BACH2: variants seen among roughly 807,000 people sequenced by gnomAD.
BACH2 encodes the protein BACH transcriptional regulator 2, also known as transcription regulator protein BACH2.
A neutral mutation model predicts 61.8 loss-of-function variants in BACH2; 5 were observed. The observed-to-expected ratio is 0.08, with a 90% confidence interval of 0.04 to 0.17. BACH2 has a LOEUF of 0.17. BACH2 is among the 10% of genes least tolerant of loss of function. BACH2 has a pLI of 1.00. For missense variants in BACH2, 824 were observed against 1,091.1 expected, an observed-to-expected ratio of 0.76 and a Z score of 3.45; for synonymous variants, 446 against 440.1, an observed-to-expected ratio of 1.01 and a Z score of -0.17.
At chr6:90,226,235 A>G (rs565777507) in intron 3 of BACH2, among the ~76,000 whole-genome samples, 1 of 152,310 alleles carries the variant, frequency 6.6e-6, no homozygotes, top group South Asian at 2.1e-4. Flanking sequence ...TGGAGCTATG[A>G]AGGACTTTTC....
At chr6:89,959,761 C>G (rs1284469461) in intron 6 of BACH2, among the ~76,000 whole-genome samples, 1 of 152,186 alleles carries the variant, frequency 6.6e-6, no homozygotes, top group African/African-American at 2.4e-5. Flanking sequence ...TGGTTATTTA[C>G]TATTGTCTCT....
At chr6:90,205,153 A>G (rs1205503241) in intron 4 of BACH2, among the ~76,000 whole-genome samples, 1 of 152,192 alleles carries the variant, frequency 6.6e-6, no homozygotes, top group African/African-American at 2.4e-5. Flanking sequence ...CACCACTGGA[A>G]GAGGGTCCTT....
intron 2 of BACH2, among the ~76,000 whole-genome samples, chr6:90,259,561 G>A (rs1771092434): frequency 6.6e-6 from 1 of 152,158 alleles, no homozygotes; most frequent in Non-Finnish European, 1.5e-5. Flanking sequence ...GGCTGGCTGG[G>A]TATCAGGGTG....
intron 5 of BACH2, among the ~76,000 whole-genome samples, chr6:90,073,688 T>A (rs936283092): frequency 6.6e-6 from 1 of 152,176 alleles, no homozygotes; most frequent in Non-Finnish European, 1.5e-5. Flanking sequence ...TCTCTGCATT[T>A]TTCTGCCTTG....
intron 4 of BACH2, among the ~76,000 whole-genome samples, chr6:90,098,543 C>T (rs1050753015): frequency 8.5e-5 from 13 of 152,154 alleles, no homozygotes; most frequent in African/African-American, 2.4e-4. Flanking sequence ...TTCTTCCTGA[C>T]ATAGATTCTT....
intron 5 of BACH2, among the ~76,000 whole-genome samples, chr6:90,068,036 C>A (rs1463152252): frequency 6.6e-6 from 1 of 152,202 alleles, no homozygotes; most frequent in Non-Finnish European, 1.5e-5. Context: ...TCCTTGAGAT[C>A]TCTGTGCATT....
intron 6 of BACH2, among the ~76,000 whole-genome samples, chr6:89,992,699 A>G (rs903043398): frequency 3.3e-5 from 5 of 152,154 alleles, no homozygotes; most frequent in Non-Finnish European, 5.9e-5. Flanking sequence ...ATTACTCCAC[A>G]TCGGTTCACA....
chr6:90,279,904 C>T (rs139724555), intron 1 of BACH2, among the ~76,000 whole-genome samples: 1 of 152,124 alleles, frequency 6.6e-6, no homozygotes, highest in Non-Finnish European at 1.5e-5. Context: ...ATGGATTCCA[C>T]TTGAACTTCA....
At chr6:90,292,745 T>C (rs980734177) in intron 1 of BACH2, among the ~76,000 whole-genome samples, 5 of 152,360 alleles carry the variant, frequency 3.3e-5, no homozygotes, top group African/African-American at 1.2e-4. Context: ...GTCTGTTCAG[T>C]AGTGGGAGAC....
At chr6:90,291,550 CA>C (rs61475226) in intron 1 of BACH2, among the ~76,000 whole-genome samples, 15 of 78,580 alleles carry the variant, frequency 1.9e-4, no homozygotes, top group African/African-American at 8.6e-4. Context: ...CCTGAACTGA[CA>C]AAAAAAAAGA....
chr6:90,111,032 T>C (rs1471052594), intron 4 of BACH2, among the ~76,000 whole-genome samples: 1 of 152,230 alleles, frequency 6.6e-6, no homozygotes, highest in Non-Finnish European at 1.5e-5. Context: ...AACTAGCAGT[T>C]TGGTACCACT....
At chr6:90,102,290 C>T (rs1048844331) in intron 4 of BACH2, among the ~76,000 whole-genome samples, 90 of 152,140 alleles carry the variant, frequency 5.9e-4, no homozygotes, top group African/African-American at 1.9e-3. Flanking sequence ...CTCCAGGATA[C>T]ATGGTGAGAC....
intron 1 of BACH2, among the ~76,000 whole-genome samples, chr6:90,295,804 G>A (rs1729508739): frequency 1.3e-5 from 2 of 152,272 alleles, no homozygotes; most frequent in African/African-American, 4.8e-5. Flanking sequence ...TCTTTCGCTA[G>A]GAGAGATTCG....
chr6:90,195,783 C>T (rs568493400), intron 4 of BACH2, among the ~76,000 whole-genome samples: 31 of 152,254 alleles, frequency 2.0e-4, no homozygotes, highest in African/African-American at 7.2e-4. Context: ...AATTGAAATC[C>T]AATGCAAGGC....
At chr6:90,164,957 A>C (rs1218774963) in intron 4 of BACH2, among the ~76,000 whole-genome samples, 1 of 152,214 alleles carries the variant, frequency 6.6e-6, no homozygotes, top group Admixed American at 6.5e-5. Context: ...AGCCAACATC[A>C]TACTGAATGG....
intron 8 of BACH2, among the ~76,000 whole-genome samples, 178 bp downstream of exon 8, chr6:89,937,966 C>T (rs1196006434): frequency 6.6e-6 from 1 of 152,188 alleles, no homozygotes; most frequent in Admixed American, 6.5e-5. Context: ...CACACAAACA[C>T]ACACACACAC....
chr6:90,005,821 T>C (rs1777375379), intron 6 of BACH2, among the ~76,000 whole-genome samples: 1 of 152,248 alleles, frequency 6.6e-6, no homozygotes, highest in Non-Finnish European at 1.5e-5. Context: ...CCTGAAGATT[T>C]CAGATACGTG....
chr6:90,070,901 A>T (rs770587870), intron 5 of BACH2, among the ~76,000 whole-genome samples: 1 of 152,226 alleles, frequency 6.6e-6, no homozygotes, highest in Non-Finnish European at 1.5e-5. Context: ...GTTACAAGAC[A>T]GTCTCTGACA....
intron 4 of BACH2, among the ~76,000 whole-genome samples, chr6:90,164,520 TCC>T (rs1374909323): frequency 2.0e-5 from 3 of 151,868 alleles, no homozygotes; most frequent in Non-Finnish European, 4.4e-5. Flanking sequence ...CTGAAACTAT[TCC>T]AATCAATAGA....
Sources: allele counts gnomAD v4.1 joint callset (sites outside exome capture counted in the v4.1 genomes callset), GRCh38; gene constraint gnomAD v4.1.1; transcripts MANE v1.5; gene names NCBI Gene and HGNC (gene_info 2026-07-23, HGNC 2026-07-21).